Variants in SLC25A48 observed in about 807,000 individuals in gnomAD.
SLC25A48 encodes solute carrier family 25 member 48, also known as CTC-321K16.1.
In SLC25A48, 29 loss-of-function variants were observed where a neutral mutation model predicts 32.2. That is an observed-to-expected ratio of 0.90 (90% CI 0.67 to 1.23). The LOEUF is 1.23. Among genes scored for constraint, SLC25A48 ranks in the 50% most tolerant of loss-of-function variants. The probability of loss-of-function intolerance (pLI) is 0.00; values close to 1 mark genes in which losing one functional copy is unlikely to be tolerated. For missense variants in SLC25A48, 399 were observed against 422.7 expected (o/e 0.94, Z 0.49); for synonymous variants, 164 against 172.3 (o/e 0.95, Z 0.38).
intron 3 of SLC25A48, among the ~76,000 whole-genome samples, chr5:135,673,917 CT>C (rs146176295): frequency 0.035 from 5,223 of 151,374 alleles, 315 homozygotes; most frequent in African/African-American, 0.12. Context: ...AGGGTCAAGG[CT>C]TTTTTTTCCC....
At chr5:135,760,842 C>T (rs1756045182) in intron 3 of SLC25A48, among the ~76,000 whole-genome samples, 1 of 152,120 alleles carries the variant, frequency 6.6e-6, no homozygotes, top group East Asian at 1.9e-4. Flanking sequence ...CATGTGTGTA[C>T]GTGTGTATAA....
At chr5:135,875,019 C>A in intron 6 of SLC25A48, 1 of 344,576 alleles carries the variant, frequency 2.9e-6, no homozygotes, top group Non-Finnish European at 5.2e-6. Context: ...AAGGGCGGGG[C>A]ATTTGTGGGT....
intron 3 of SLC25A48, among the ~76,000 whole-genome samples, chr5:135,720,585 G>T (rs1405936313): frequency 6.6e-6 from 1 of 152,216 alleles, no homozygotes; most frequent in Non-Finnish European, 1.5e-5. Context: ...AGAACCATGG[G>T]TTCCCCAGAA....
chr5:135,641,732 C>CT (rs1752842038), intron 3 of SLC25A48, among the ~76,000 whole-genome samples: 2 of 152,156 alleles, frequency 1.3e-5, no homozygotes, highest in Non-Finnish European at 1.5e-5. Context: ...CTTTCTTTGG[C>CT]TTTTTTATTA....
chr5:135,727,853 A>C (rs1041374722), intron 3 of SLC25A48, among the ~76,000 whole-genome samples: 45 of 152,154 alleles, frequency 3.0e-4, no homozygotes, highest in African/African-American at 1.0e-3. Context: ...TTATTTTAGC[A>C]ATTCCAGTTT....
chr5:135,595,653 T>C (rs1751632572), intron 1 of SLC25A48, among the ~76,000 whole-genome samples: 1 of 152,232 alleles, frequency 6.6e-6, no homozygotes, highest in Non-Finnish European at 1.5e-5. Flanking sequence ...TGCGCATACA[T>C]GCTAGCTCTG....
At chr5:135,850,951 T>C (rs1206295587) in intron 3 of SLC25A48, among the ~76,000 whole-genome samples, 2 of 152,166 alleles carry the variant, frequency 1.3e-5, no homozygotes, top group Non-Finnish European at 2.9e-5. Flanking sequence ...GTATTCCTTT[T>C]CCGAAGGGAA....
chr5:135,728,839 A>AAGAC (rs1755153883), intron 3 of SLC25A48, among the ~76,000 whole-genome samples: 1 of 95,512 alleles, frequency 1.0e-5, no homozygotes. Context: ...CACATACACA[A>AAGAC]ATACACACAC....
At chr5:135,716,020 G>GT (rs1561460949) in intron 3 of SLC25A48, among the ~76,000 whole-genome samples, 2 of 152,206 alleles carry the variant, frequency 1.3e-5, no homozygotes, top group African/African-American at 4.8e-5. Context: ...ATAACTGCCA[G>GT]TTATCCAGAA....
At chr5:135,605,277 T>C (rs971532289) in intron 1 of SLC25A48, among the ~76,000 whole-genome samples, 2 of 152,250 alleles carry the variant, frequency 1.3e-5, no homozygotes, top group East Asian at 1.9e-4. Context: ...CTCCAGCCCC[T>C]ATTCCCATTA....
chr5:135,876,912 C>T (rs555252247), intron 6 of SLC25A48, among the ~76,000 whole-genome samples: 6 of 152,142 alleles, frequency 3.9e-5, no homozygotes, highest in African/African-American at 1.4e-4. Context: ...GAATGGAGCA[C>T]CCCTCCCCAA....
intron 3 of SLC25A48, among the ~76,000 whole-genome samples, chr5:135,798,896 A>G (rs181996148): frequency 5.9e-5 from 9 of 151,548 alleles, no homozygotes; most frequent in Admixed American, 4.6e-4. Flanking sequence ...GGGGATGACG[A>G]TGATATTGCT....
chr5:135,881,744 CAGAA>C (rs763353341), intron 7 of SLC25A48, among the ~76,000 whole-genome samples: 7 of 152,104 alleles, frequency 4.6e-5, no homozygotes, highest in Non-Finnish European at 1.0e-4. Context: ...TTTAAATAAA[CAGAA>C]AGAACAAAAT....
At chr5:135,731,460 G>T (rs572970844) in intron 3 of SLC25A48, among the ~76,000 whole-genome samples, 3 of 152,260 alleles carry the variant, frequency 2.0e-5, no homozygotes, top group East Asian at 3.9e-4. Flanking sequence ...AATTTTTGGG[G>T]GTGCTATGGA....
chr5:135,701,468 C>G (rs1012227090), intron 3 of SLC25A48, among the ~76,000 whole-genome samples: 1 of 151,738 alleles, frequency 6.6e-6, no homozygotes, highest in Admixed American at 6.6e-5. Context: ...GAACATAACT[C>G]CCCCCCGCCA....
chr5:135,641,948 A>G (rs1272463219), intron 3 of SLC25A48, among the ~76,000 whole-genome samples: 1 of 152,236 alleles, frequency 6.6e-6, no homozygotes, highest in Non-Finnish European at 1.5e-5. Flanking sequence ...GCTATTGACA[A>G]CTAGTGTAAT....
chr5:135,835,275 T>C (rs1050138712), intron 1 of SLC25A48: 1 of 459,592 alleles, frequency 2.2e-6, no homozygotes, highest in African/African-American at 2.0e-5. Context: ...TGTATGAGGG[T>C]AGCGCTTGGC....
At chr5:135,810,719 T>C (rs750471698) in intron 3 of SLC25A48, among the ~76,000 whole-genome samples, 2 of 152,184 alleles carry the variant, frequency 1.3e-5, no homozygotes, top group Non-Finnish European at 2.9e-5. Context: ...GGCCTCTTGA[T>C]ATTCTCATTC....
chr5:135,604,891 A>G lies in SLC25A48; in HGVS notation c.-848-24346A>G, dbSNP rs538228117. Among the ~76,000 whole-genome samples the G allele has an allele frequency of 4.6e-5, 7 of 152,290 alleles. No individual in the cohort carries two copies. The South Asian group carries it at 1.5e-3, about 32-fold the overall frequency. ...CCACTTGCCTGCTCTGTGGTCCCTC[A>G]GCGTTTCCACCTGTAAGTGGGTAAT... On this transcript the variant is annotated intron_variant, in intron 1 of 10. Transcript: ENST00000646290.
Sources: gnomAD v4.1 joint callset for allele counts (sites outside exome capture counted in the v4.1 genomes callset) on GRCh38, gnomAD v4.1.1 for gene constraint, MANE v1.5 for transcripts, NCBI Gene and HGNC (gene_info 2026-07-23, HGNC 2026-07-21) for gene names.